PACS2: variants seen among roughly 807,000 people sequenced by gnomAD.
PACS2 encodes PACS1-like protein.
A neutral mutation model predicts 113.0 loss-of-function variants in PACS2; 36 were observed. That is an observed-to-expected ratio of 0.32 (90% CI 0.24 to 0.42). PACS2 has a LOEUF of 0.42. Ranked by LOEUF, PACS2 falls within the 10% of genes least tolerant of loss-of-function variation. PACS2 has a pLI of 1.00. For missense variants in PACS2, 1,015 were observed against 1,239.5 expected, an observed-to-expected ratio of 0.82 and a Z score of 2.72; for synonymous variants, 589 against 536.1, an observed-to-expected ratio of 1.10 and a Z score of -1.36.
At chr14:105,303,631 C>T (rs964465226) in intron 1 of PACS2, among the ~76,000 whole-genome samples, 2 of 152,136 alleles carry the variant, frequency 1.3e-5, no homozygotes, top group African/African-American at 4.8e-5. Context: ...TATAATTCTC[C>T]CTGTAATTAC....
intron 3 of PACS2, among the ~76,000 whole-genome samples, chr14:105,353,938 G>A (rs1318690205): frequency 1.3e-5 from 2 of 151,940 alleles, no homozygotes; most frequent in Non-Finnish European, 2.9e-5. Context: ...AAGGCCGGGT[G>A]TGGTGGCTCA....
intron 1 of PACS2, among the ~76,000 whole-genome samples, chr14:105,332,987 G>A (rs917497637): frequency 3.3e-5 from 5 of 152,084 alleles, no homozygotes; most frequent in African/African-American, 1.2e-4. Flanking sequence ...CCCAGGCTCC[G>A]CTCCTGTGGG....
At position 105,376,758 on chromosome 14, in the gene PACS2, A is replaced by AC. The variant is rs755227198; in HGVS notation, c.802-7dup. On this transcript the variant is annotated splice_polypyrimidine_tract_variant and intron_variant, in intron 8 of 24. Coordinates refer to ENST00000447393, the MANE Select transcript of PACS2 (RefSeq NM_001100913.3). The surrounding 1 kb of genome is among the most constrained non-coding windows in gnomAD (Gnocchi z 4.7). ...TGCAGGGAACTCACGCGTGCCTGGCACCCGTGCAGGTCCTGGACTCGGAGC... is the reference window on the plus strand; with the variant it reads ...TGCAGGGAACTCACGCGTGCCTGGCACCCCGTGCAGGTCCTGGACTCGGAGC... 1 of 1,610,976 alleles carries AC rather than the reference A, an allele frequency of 6.2e-7. No homozygotes were observed. The highest frequency in any genetic ancestry group is 8.5e-7 in the Non-Finnish European group (1 of 1,178,638).
At chr14:105,347,957 C>T (rs1283067473) in intron 1 of PACS2, among the ~76,000 whole-genome samples, 4 of 152,156 alleles carry the variant, frequency 2.6e-5, no homozygotes, top group South Asian at 2.1e-4. Context: ...CTGTCCCTGG[C>T]GTCTCCAGCA....
At chr14:105,379,442 T>C (rs28450331) in intron 9 of PACS2, among the ~76,000 whole-genome samples, 12,222 of 152,266 alleles carry the variant, frequency 0.08, 1,663 homozygotes, top group African/African-American at 0.28. Flanking sequence ...GAGCTAAGGC[T>C]GCGAGTTTCA....
chr14:105,312,069 C>A (rs587637456), upstream of PACS2, among the ~76,000 whole-genome samples: 2 of 152,322 alleles, frequency 1.3e-5, no homozygotes, highest in South Asian at 4.1e-4. Flanking sequence ...CTCCCCCACT[C>A]CCCGACTTCA....
At chr14:105,333,089 T>G (rs1008837412) in intron 1 of PACS2, among the ~76,000 whole-genome samples, 3 of 149,092 alleles carry the variant, frequency 2.0e-5, no homozygotes, top group Non-Finnish European at 4.4e-5. Context: ...CCAACTGGCG[T>G]GGGTGTGAGA....
At position 105,384,439 on chromosome 14, in the gene PACS2, A is replaced by G. The variant is rs782192283; in HGVS notation, c.1867A>G (p.Asn623Asp). 12 of 1,611,548 alleles carry G rather than the reference A, an allele frequency of 7.4e-6. No individual in the cohort carries two copies. The highest frequency in any genetic ancestry group is 5.0e-5 in the Admixed American group (3 of 59,986). The change falls in exon 17 of 25, where the codon AAC becomes GAC. Residue 623 changes from asparagine (N) to aspartate (D), a missense_variant. Asn to Asp is a conservative substitution (Grantham distance 23). Coordinates refer to ENST00000447393, the MANE Select transcript of PACS2 (RefSeq NM_001100913.3). ...GGACCTGGCCTGGAGAGACCTGTTCAACAAGCTGGAGGCCCAGAGTGCGGG... is the reference window on the plus strand; with the variant it reads ...GGACCTGGCCTGGAGAGACCTGTTCGACAAGCTGGAGGCCCAGAGTGCGGG... ...FQDLAWRDLFNKLEAQSAVQD... is the reference protein window; with the variant it reads ...FQDLAWRDLFDKLEAQSAVQD...
At chr14:105,368,402 G>T in intron 6 of PACS2, 57 bp from the exon 7 acceptor site, 2 of 1,344,020 alleles carry the variant, frequency 1.5e-6, no homozygotes, top group Non-Finnish European at 2.1e-6. Context: ...GGCTGGCAGG[G>T]TCCTGCCAGC....
intron 19 of PACS2, among the ~76,000 whole-genome samples, chr14:105,387,580 C>T (rs1236580840): frequency 6.6e-6 from 1 of 152,246 alleles, no homozygotes; most frequent in Non-Finnish European, 1.5e-5. Flanking sequence ...GTCTCAGTGT[C>T]CAGCCGGTGT....
At chr14:105,305,091 C>T (rs12100543) in intron 1 of PACS2, among the ~76,000 whole-genome samples, 16,954 of 152,102 alleles carry the variant, frequency 0.11, 3,136 homozygotes, top group African/African-American at 0.38. Context: ...CCCTCATGAG[C>T]GGGATTAATG....
rs1157088475 is a variant in PACS2 at position 105,396,327 on chromosome 14, C to G, written c.*1655C>G. On this transcript the variant is annotated 3_prime_UTR_variant, in exon 25 of 25. Coordinates refer to ENST00000447393, the MANE Select transcript of PACS2 (RefSeq NM_001100913.3). ...GGTGGGGGAGAGGGTAGGAAGGTCT[C>G]CCATTGAATCCTGGCTTCAGGCTCT... The G allele has an allele frequency of 6.6e-6, 1 of 152,244 alleles. No individual in the cohort carries two copies. Among genetic ancestry groups the G allele is most frequent in the Non-Finnish European group, 1.5e-5 (1 of 68,142 alleles). 9.4% of individuals were successfully genotyped at this position (152,244 alleles called of 1,614,324 possible).
At position 105,324,207 on chromosome 14, in the gene PACS2, C is replaced by T. The variant is rs587686501; in HGVS notation, c.119+9170C>T. On this transcript the variant is annotated intron_variant, in intron 1 of 24. Transcript: ENST00000447393. The surrounding 1 kb of genome is among the most constrained non-coding windows in gnomAD (Gnocchi z 4.7). The stretch of plus-strand genomic sequence containing the variant: ...GGAGTGGGCAGCTGCGGTGCTGTGG[C>T]GGGGTCGGGGGGCTGCTGCAGAGAG... 5.3e-5 allele frequency among the ~76,000 whole-genome samples: 8 copies of T among 152,230 alleles called. No homozygotes were observed. Among genetic ancestry groups the T allele is most frequent in the Admixed American group, 2.0e-4 (3 of 15,290 alleles).
At chr14:105,302,204 C>CT (rs1274491955) in intron 1 of PACS2, among the ~76,000 whole-genome samples, 3,373 of 132,742 alleles carry the variant, frequency 0.025, 91 homozygotes, top group African/African-American at 0.063. Flanking sequence ...TTTTTTCTTT[C>CT]TTTTTTTTTT....
chr14:105,354,911 C>A lies in PACS2; in HGVS notation c.298-141C>A. On this transcript the variant is annotated intron_variant, in intron 3 of 24. Coordinates refer to ENST00000447393, the MANE Select transcript of PACS2 (RefSeq NM_001100913.3). This position sits in a 1 kb window ranked among gnomAD's most constrained non-coding sequence, Gnocchi z 4.2. ...CATGCCACTGGGATGAACTTGGGGG[C>A]CCGTCTGTGGGTGCCCTTCCGATCT... The A allele has an allele frequency of 1.4e-6, 1 of 714,584 alleles. No homozygotes were observed. 44.3% of individuals were successfully genotyped at this position (714,584 alleles called of 1,614,324 possible).
At chr14:105,383,179 T>G (rs1323379811) in intron 15 of PACS2, 180 bp from the exon 16 acceptor site, 2 of 725,880 alleles carry the variant, frequency 2.8e-6, no homozygotes. Context: ...GACTGTGTGG[T>G]CCCTCAGCCT....
At chr14:105,364,365 ACGGTGGGCGTCCCGGGTGCG>A (rs1555407407) in intron 4 of PACS2, among the ~76,000 whole-genome samples, 6 of 62,808 alleles carry the variant, frequency 9.6e-5, no homozygotes, top group Admixed American at 1.6e-4. Flanking sequence ...TCCCGGGTGC[ACGGTGGGCGTCCCGGGTGCG>A]CGGTGGGCGG....
chr14:105,390,093 A>G (rs889697275), intron 20 of PACS2, 90 bp downstream of exon 20: 10 of 1,140,740 alleles, frequency 8.8e-6, no homozygotes, highest in Middle Eastern at 3.9e-4. Context: ...GACTCGATAT[A>G]TTCCAGAACC....
intron 4 of PACS2, among the ~76,000 whole-genome samples, chr14:105,362,170 G>A (rs954015601): frequency 2.6e-5 from 4 of 152,006 alleles, no homozygotes; most frequent in Non-Finnish European, 5.9e-5. Context: ...TGTCATCCCA[G>A]CACTTTGGGA....
Sources: allele counts gnomAD v4.1 joint callset (sites outside exome capture counted in the v4.1 genomes callset), GRCh38; gene constraint gnomAD v4.1.1; non-coding constraint Gnocchi (gnomAD v3.1); transcripts MANE v1.5; gene names NCBI Gene and HGNC (gene_info 2026-07-23, HGNC 2026-07-21).